MAMLD1: variants seen among roughly 807,000 people sequenced by gnomAD.
MAMLD1 encodes mastermind-like domain-containing protein 1.
Under a neutral mutation model 45.0 loss-of-function variants are expected in MAMLD1, and 14 were observed. The ratio of observed to expected loss-of-function variants is 0.31; its 90% confidence interval spans 0.21 to 0.49. The LOEUF is 0.49. Among genes scored for constraint, MAMLD1 ranks in the 20% least tolerant of loss-of-function variants. The pLI is 0.99. For synonymous variants in MAMLD1, 254 were observed against 247.8 expected, an observed-to-expected ratio of 1.02 and a Z score of -0.24; for missense variants, 543 against 603.6, an observed-to-expected ratio of 0.90 and a Z score of 1.05.
intron 4 of MAMLD1, 52 bp from the exon 5 acceptor site, chrX:150,473,628 G>A (rs1602943336): frequency 2.5e-6 from 3 of 1,194,669 alleles, no homozygotes; most frequent in South Asian, 1.8e-5. Context: ...GCCACCTGGG[G>A]CTCGGGCCCT....
intron 1 of MAMLD1, among the ~76,000 whole-genome samples, chrX:150,431,451 C>T (rs2034943194): frequency 1.9e-5 from 2 of 107,817 alleles, no homozygotes; most frequent in African/African-American, 3.4e-5. Flanking sequence ...GGTACATGTG[C>T]GGGTTTGATA....
chrX:150,455,722 A>G (rs1445356655), intron 2 of MAMLD1, among the ~76,000 whole-genome samples: 3 of 108,966 alleles, frequency 2.8e-5, no homozygotes, highest in African/African-American at 1.0e-4. Context: ...ATCACCCTAC[A>G]CTGCTAAGTT....
intron 5 of MAMLD1, among the ~76,000 whole-genome samples, chrX:150,491,310 T>C (rs1383056070): frequency 8.9e-6 from 1 of 111,864 alleles, no homozygotes; most frequent in Non-Finnish European, 1.9e-5. Flanking sequence ...TTGTCTCTGA[T>C]ATTTTCCAGT....
chrX:150,445,407 G>A (rs2035454907), intron 1 of MAMLD1, 47 bp from the exon 2 acceptor site: 5 of 551,232 alleles, frequency 9.1e-6, no homozygotes, highest in Non-Finnish European at 1.6e-5. Flanking sequence ...GGGGTCAGTG[G>A]TCTCATCTTC....
chrX:150,441,014 A>G (rs1439702355), intron 1 of MAMLD1, among the ~76,000 whole-genome samples: 2 of 104,728 alleles, frequency 1.9e-5, no homozygotes, highest in Non-Finnish European at 3.9e-5. Context: ...AAATATTAAT[A>G]TTTAATAATT....
At chrX:150,483,459 T>C (rs1408436895) in intron 5 of MAMLD1, among the ~76,000 whole-genome samples, 8 of 112,657 alleles carry the variant, frequency 7.1e-5, no homozygotes, top group African/African-American at 2.6e-4. Context: ...CTGCTAGCCA[T>C]TGCGGAATGC....
At chrX:150,507,630 T>C (rs1557408898) in intron 6 of MAMLD1, among the ~76,000 whole-genome samples, 1 of 112,385 alleles carries the variant, frequency 8.9e-6, no homozygotes, top group East Asian at 2.8e-4. Flanking sequence ...CAGCGCTGTG[T>C]GGCCTTGGCA....
chrX:150,444,212 G>A (rs1381213222), intron 1 of MAMLD1, among the ~76,000 whole-genome samples: 4 of 111,929 alleles, frequency 3.6e-5, no homozygotes, highest in Non-Finnish European at 7.5e-5. Flanking sequence ...TGGGGGTGGA[G>A]TCTAGGCTCC....
At chrX:150,435,614 A>C (rs1263956072) in intron 1 of MAMLD1, among the ~76,000 whole-genome samples, 1 of 112,757 alleles carries the variant, frequency 8.9e-6, no homozygotes, top group East Asian at 2.8e-4. Context: ...GTGTCGTTGC[A>C]TGTGATATGG....
In MAMLD1 at chrX:150,513,753, C is replaced by T; in HGVS notation, c.*1794C>T. 1 of 297,471 alleles carries T rather than the reference C, an allele frequency of 3.4e-6. No homozygotes were observed. Among genetic ancestry groups the T allele is most frequent in the Non-Finnish European group, 5.9e-6 (1 of 170,358 alleles). The allele number at this position is 297,471 out of a possible 1,213,427, so 24.5% of individuals were successfully genotyped here. A position where few individuals can be genotyped will look rare whatever the true frequency, so the allele number is the denominator to read the frequency against. ...GCAGAGACAGTGTGTGAGCCGAGCCCTGTCTCAGCAATCCACCTGGAGGAG... is the reference window on the plus strand; with the variant it reads ...GCAGAGACAGTGTGTGAGCCGAGCCTTGTCTCAGCAATCCACCTGGAGGAG... On this transcript the variant is annotated 3_prime_UTR_variant, in exon 8 of 8. Transcript: ENST00000370401.
chrX:150,369,700 C>T (rs182053520), intron 1 of MAMLD1, among the ~76,000 whole-genome samples: 27 of 112,127 alleles, frequency 2.4e-4, no homozygotes, highest in East Asian at 1.7e-3. Context: ...CCAAAGGACT[C>T]ATCTAATGTA....
chrX:150,448,784 A>G (rs2035571764), intron 2 of MAMLD1, among the ~76,000 whole-genome samples: 1 of 111,964 alleles, frequency 8.9e-6, no homozygotes. Flanking sequence ...GTGAGAATTT[A>G]AAAGGCATTA....
rs2032645067 is a variant in MAMLD1, at chrX:150,382,200, A to G, written c.-64+18670A>G. On this transcript the variant is annotated intron_variant, in intron 1 of 7. Coordinates refer to ENST00000370401, the MANE Select transcript of MAMLD1 (RefSeq NM_005491.5). ...GTTGATGTTTATTATTTTTTTGCCT[A>G]TGGATGCTCAATGGCTCTAGTAGCA... Among the ~76,000 whole-genome samples the G allele has an allele frequency of 2.7e-5, 3 of 111,290 alleles. No individual in the cohort carries two copies. The South Asian group carries it at 1.1e-3, about 42-fold the overall frequency.
chrX:150,460,299 GC>G (rs782616640), intron 2 of MAMLD1, among the ~76,000 whole-genome samples: 1 of 111,242 alleles, frequency 9.0e-6, no homozygotes, highest in Non-Finnish European at 1.9e-5. Flanking sequence ...GTTTATCTGG[GC>G]CACTCTGATG....
chrX:150,484,486 GA>G (rs1188051712), intron 5 of MAMLD1, among the ~76,000 whole-genome samples: 1 of 112,276 alleles, frequency 8.9e-6, no homozygotes, highest in Admixed American at 9.4e-5. Context: ...GAATGGGGTT[GA>G]AAGAGCAGCC....
chrX:150,455,045 G>A (rs143623198), intron 2 of MAMLD1, among the ~76,000 whole-genome samples: 1,149 of 84,868 alleles, frequency 0.014, 16 homozygotes, highest in African/African-American at 0.043. Context: ...ACTTCATGAT[G>A]CAATCATAGA....
At chrX:150,491,252 A>C (rs2037178430) in intron 5 of MAMLD1, among the ~76,000 whole-genome samples, 1 of 111,908 alleles carries the variant, frequency 8.9e-6, no homozygotes, top group Non-Finnish European at 1.9e-5. Flanking sequence ...GAGGTCATAC[A>C]GCTGCCAAGT....
intron 5 of MAMLD1, among the ~76,000 whole-genome samples, chrX:150,496,843 T>G (rs2037394604): frequency 8.9e-6 from 1 of 112,466 alleles, no homozygotes; most frequent in Non-Finnish European, 1.9e-5. Flanking sequence ...CTATGGGATA[T>G]CCACAGGAAT....
At chrX:150,428,218 C>G (rs782036748) in intron 1 of MAMLD1, among the ~76,000 whole-genome samples, 1 of 111,601 alleles carries the variant, frequency 9.0e-6, no homozygotes, top group Non-Finnish European at 1.9e-5. Flanking sequence ...GCCTCTGTTT[C>G]TGTGACTAAG....
Sources: allele counts gnomAD v4.1 joint callset (sites outside exome capture counted in the v4.1 genomes callset), GRCh38; gene constraint gnomAD v4.1.1; transcripts MANE v1.5; gene names NCBI Gene and HGNC (gene_info 2026-07-23, HGNC 2026-07-21).